Variants in SOS1 observed in about 807,000 individuals in gnomAD.
SOS1 encodes son of sevenless homolog 1.
In SOS1, 25 loss-of-function variants were observed where a neutral mutation model predicts 157.6. The ratio of observed to expected loss-of-function variants is 0.16; its 90% CI spans 0.12 to 0.22. The LOEUF (loss-of-function observed/expected upper bound fraction) is 0.22, where lower values mean the gene tolerates loss of function less well. Among genes scored for constraint, SOS1 ranks in the 10% least tolerant of loss-of-function variants. The pLI, the probability that SOS1 is intolerant of heterozygous loss-of-function variation, is 1.00. For missense variants in SOS1, 1,237 were observed against 1,599.1 expected, an observed-to-expected ratio of 0.77 and a Z score of 3.86; for synonymous variants, 528 against 534.0, an observed-to-expected ratio of 0.99 and a Z score of 0.16.
At chr2:39,066,096 G>A (rs1396648492) in intron 2 of SOS1, among the ~76,000 whole-genome samples, 2 of 152,088 alleles carry the variant, frequency 1.3e-5, no homozygotes, top group African/African-American at 4.8e-5. Context: ...TCAGCCTTCA[G>A]GGTAGAAGGA....
intron 1 of SOS1, among the ~76,000 whole-genome samples, chr2:39,080,038 G>C (rs888473768): frequency 6.6e-6 from 1 of 151,758 alleles, no homozygotes; most frequent in African/African-American, 2.4e-5. Context: ...GGATGGTTTC[G>C]GGATGATTCA....
chr2:39,077,561 G>A (rs1182694697), intron 1 of SOS1, among the ~76,000 whole-genome samples: 1 of 151,984 alleles, frequency 6.6e-6, no homozygotes, highest in African/African-American at 2.4e-5. Flanking sequence ...GAAAAATCAG[G>A]CAAAAAACTA....
chr2:39,030,484 T>G (rs1670121104), intron 8 of SOS1, among the ~76,000 whole-genome samples: 1 of 151,288 alleles, frequency 6.6e-6, no homozygotes, highest in African/African-American at 2.4e-5. Context: ...ATGAGAAGAT[T>G]GTTTGAGCCC....
At chr2:39,124,593 G>A (rs1674011305), upstream of SOS1, among the ~76,000 whole-genome samples, 1 of 152,258 alleles carries the variant, frequency 6.6e-6, no homozygotes, top group Admixed American at 6.5e-5. Flanking sequence ...CCAGGACGCG[G>A]CCACCTGGTT....
intron 6 of SOS1, among the ~76,000 whole-genome samples, chr2:39,041,387 C>G (rs1296322999): frequency 6.6e-6 from 1 of 152,084 alleles, no homozygotes; most frequent in Non-Finnish European, 1.5e-5. Context: ...AATCCTTTGC[C>G]CATTTTTAAA....
At chr2:39,086,110 T>C (rs1373105493) in intron 1 of SOS1, among the ~76,000 whole-genome samples, 5 of 152,230 alleles carry the variant, frequency 3.3e-5, no homozygotes, top group African/African-American at 7.2e-5. Context: ...GTAGCCATTA[T>C]TGATGTTCTT....
intron 6 of SOS1, among the ~76,000 whole-genome samples, chr2:39,046,205 T>G (rs2124586395): frequency 6.6e-6 from 1 of 152,258 alleles, no homozygotes; most frequent in Non-Finnish European, 1.5e-5. Flanking sequence ...TAGTTCCTTT[T>G]TCCCTATCTG....
chr2:39,101,452 T>C lies in SOS1; in HGVS notation c.87+18884A>G, dbSNP rs144519973. 6.3e-3 allele frequency among the ~76,000 whole-genome samples: 958 copies of C among 152,238 alleles called. 10 individuals are homozygous for C. Among genetic ancestry groups the C allele is most frequent in the African/African-American group, 0.022 (918 of 41,532 alleles). ...TTCATTATTATGCCTAGATCAACTGTTGAACAACTAGATGATACAGAAATA... is the reference window on the plus strand; with the variant it reads ...TTCATTATTATGCCTAGATCAACTGCTGAACAACTAGATGATACAGAAATA... On this transcript the variant is annotated intron_variant, in intron 1 of 22. Coordinates refer to ENST00000402219, the MANE Select transcript of SOS1 (RefSeq NM_005633.4).
In SOS1 at chr2:39,022,871, T is replaced by C. The variant is rs761903636; in HGVS notation, c.1557A>G (p.Lys519=). 2 of 1,612,786 alleles carry C rather than the reference T, an allele frequency of 1.2e-6. No individual in the cohort carries two copies. Among genetic ancestry groups the C allele is most frequent in the Non-Finnish European group, 1.7e-6 (2 of 1,179,142 alleles). ...EYKHAFEIIL[K]DENSVIFSAK... ...CAGAAAATATAACACTATTTTCATC[T>C]TTTAAAATTATTTCAAAAGCATGCT... The change falls in exon 10 of 23, where the codon AAA becomes AAG. Residue 519 remains lysine (K), a synonymous_variant. Transcript: ENST00000402219.
chr2:39,079,231 A>G (rs1482829414), intron 1 of SOS1, among the ~76,000 whole-genome samples: 1 of 152,264 alleles, frequency 6.6e-6, no homozygotes, highest in Non-Finnish European at 1.5e-5. Context: ...ACACAATAAC[A>G]TAAATGAAAT....
Position 39,067,619 on chromosome 2 carries a change from T to G in SOS1, c.213+9A>C, listed in dbSNP as rs553097014. ...ATATAAAGTAAATACAAGACAACATTTGTCATACCTCTACATCTGAAGCAC... is the reference window on the plus strand; with the variant it reads ...ATATAAAGTAAATACAAGACAACATGTGTCATACCTCTACATCTGAAGCAC... On this transcript the variant is annotated intron_variant, in intron 2 of 22. Coordinates refer to ENST00000402219, the MANE Select transcript of SOS1 (RefSeq NM_005633.4). 2 of 1,612,166 alleles carry G rather than the reference T, an allele frequency of 1.2e-6. No individual in the cohort carries two copies. Among genetic ancestry groups the G allele is most frequent in the African/African-American group, 2.7e-5 (2 of 74,832 alleles).
At chr2:39,002,414 C>A (rs1407461154) in intron 17 of SOS1, among the ~76,000 whole-genome samples, 3 of 151,988 alleles carry the variant, frequency 2.0e-5, no homozygotes, top group Non-Finnish European at 2.9e-5. Context: ...TAAATAAATA[C>A]CAACCATTAG....
At chr2:39,027,709 T>C (rs1670011130) in intron 8 of SOS1, among the ~76,000 whole-genome samples, 1 of 152,216 alleles carries the variant, frequency 6.6e-6, no homozygotes, top group South Asian at 2.1e-4. Context: ...TAATGTGCAA[T>C]AGTAACAATT....
chr2:38,995,073 A>G lies in SOS1; in HGVS notation c.3346+50T>C, dbSNP rs747974039. On this transcript the variant is annotated intron_variant, in intron 20 of 22. Coordinates refer to ENST00000402219, the MANE Select transcript of SOS1 (RefSeq NM_005633.4). ...ACAGAGATTCTTTTTTACCTCTAGC[A>G]TGTATAGTACTAACAAATACCTTAA... The G allele has an allele frequency of 1.9e-5, 29 of 1,496,050 alleles. No individual in the cohort carries two copies. In the South Asian group the frequency reaches 3.0e-4, roughly 15 times the overall value. The allele number at this position is 1,496,050 out of a possible 1,614,324, so 92.7% of individuals were successfully genotyped here.
chr2:39,124,253 T>G (rs1430128417), upstream of SOS1: 1 of 152,340 alleles, frequency 6.6e-6, no homozygotes, highest in African/African-American at 2.4e-5. Flanking sequence ...TAGGCACGTG[T>G]AGACGTAAAA....
chr2:39,014,426 C>CATTTT (rs1669567345), intron 11 of SOS1, among the ~76,000 whole-genome samples: 1 of 151,978 alleles, frequency 6.6e-6, no homozygotes, highest in African/African-American at 2.4e-5. Context: ...TGACAAGTTC[C>CATTTT]ATTTTACTCA....
intron 6 of SOS1, among the ~76,000 whole-genome samples, chr2:39,036,383 C>A (rs1670344189): frequency 6.6e-6 from 1 of 152,080 alleles, no homozygotes; most frequent in South Asian, 2.1e-4. Context: ...CTTGGTCTTA[C>A]TCTGTCACCC....
chr2:39,114,075 CTCTT>C (rs1673547472), intron 1 of SOS1, among the ~76,000 whole-genome samples: 1 of 151,894 alleles, frequency 6.6e-6, no homozygotes, highest in African/African-American at 2.4e-5. Context: ...TGATCAATGA[CTCTT>C]TCTTTTCTTT....
intron 8 of SOS1, among the ~76,000 whole-genome samples, chr2:39,033,221 G>GGA (rs776840311): frequency 1.1e-4 from 14 of 124,422 alleles, no homozygotes; most frequent in South Asian, 2.8e-4. Flanking sequence ...TAGGTGTGCA[G>GGA]AAAAAAAAAA....
Sources: gnomAD v4.1 joint callset for allele counts (sites outside exome capture counted in the v4.1 genomes callset) on GRCh38, gnomAD v4.1.1 for gene constraint, MANE v1.5 for transcripts, NCBI Gene and HGNC (gene_info 2026-07-23, HGNC 2026-07-21) for gene names.